Variants in ZNF385D observed in about 807,000 individuals in gnomAD.
The protein encoded by ZNF385D is zinc finger protein 385D.
Under a neutral mutation model 35.8 loss-of-function variants are expected in ZNF385D, and 15 were observed. The ratio of observed to expected loss-of-function variants is 0.42; its 90% CI spans 0.28 to 0.64. The LOEUF is 0.64. ZNF385D is among the 30% of genes least tolerant of loss of function. The pLI is 0.23. For synonymous variants in ZNF385D, 212 were observed against 186.8 expected (o/e 1.13, Z -1.10); for missense variants, 474 against 494.6 (o/e 0.96, Z 0.39).
intron 2 of ZNF385D, among the ~76,000 whole-genome samples, chr3:22,173,846 G>C (rs1192942950): frequency 1.3e-5 from 2 of 152,100 alleles, no homozygotes; most frequent in African/African-American, 4.8e-5. Context: ...ATTCAGAAAA[G>C]AAACGGTTGA....
chr3:21,996,624 G>C (rs574417176), intron 3 of ZNF385D, among the ~76,000 whole-genome samples: 4 of 152,230 alleles, frequency 2.6e-5, no homozygotes, highest in Admixed American at 2.0e-4. Flanking sequence ...ATATGTTTCA[G>C]CTTATGTTAG....
chr3:21,992,940 A>G (rs1695232808), intron 3 of ZNF385D, among the ~76,000 whole-genome samples: 1 of 152,188 alleles, frequency 6.6e-6, no homozygotes, highest in South Asian at 2.1e-4. Context: ...AACATTTCTA[A>G]TTACCAAATT....
intron 3 of ZNF385D, among the ~76,000 whole-genome samples, chr3:21,952,427 T>G (rs1299633350): frequency 2.6e-5 from 4 of 152,060 alleles, no homozygotes; most frequent in South Asian, 2.1e-4. Flanking sequence ...ACAAAATTGT[T>G]TGCCTTAATT....
intron 2 of ZNF385D, among the ~76,000 whole-genome samples, chr3:21,590,810 A>T (rs2063952582): frequency 6.6e-5 from 10 of 152,168 alleles, no homozygotes; most frequent in Admixed American, 6.6e-4. Context: ...CATTTCCATT[A>T]TATTTTTTAG....
intron 3 of ZNF385D, among the ~76,000 whole-genome samples, chr3:21,988,925 C>T (rs992143764): frequency 2.0e-5 from 3 of 152,178 alleles, no homozygotes; most frequent in Non-Finnish European, 2.9e-5. Context: ...GGGAGTGACC[C>T]GATTTTCCAG....
chr3:22,204,576 G>C (rs189894652), intron 2 of ZNF385D, among the ~76,000 whole-genome samples: 1 of 151,968 alleles, frequency 6.6e-6, no homozygotes, highest in Non-Finnish European at 1.5e-5. Flanking sequence ...CAGAGAATTC[G>C]AAACAGCTGT....
At chr3:22,239,958 C>T (rs1699397827) in intron 2 of ZNF385D, among the ~76,000 whole-genome samples, 1 of 150,156 alleles carries the variant, frequency 6.7e-6, no homozygotes, top group Non-Finnish European at 1.5e-5. Context: ...AGGTGGATCA[C>T]TCGAGTCTAG....
intron 3 of ZNF385D, among the ~76,000 whole-genome samples, chr3:22,105,774 CAG>C (rs1702180497): frequency 3.3e-5 from 5 of 152,254 alleles, no homozygotes; most frequent in African/African-American, 1.2e-4. Context: ...CTGCTTTACT[CAG>C]TCCAATTCCA....
intron 3 of ZNF385D, among the ~76,000 whole-genome samples, chr3:22,142,952 T>A (rs1414119157): frequency 6.6e-6 from 1 of 152,032 alleles, no homozygotes; most frequent in East Asian, 1.9e-4. Flanking sequence ...GTAGTTTCCT[T>A]TTTCACTGCC....
At chr3:21,637,549 C>G (rs911173575) in intron 2 of ZNF385D, among the ~76,000 whole-genome samples, 1 of 152,028 alleles carries the variant, frequency 6.6e-6, no homozygotes, top group Admixed American at 6.6e-5. Flanking sequence ...TGTGATGCCT[C>G]TAGATTTGTT....
At chr3:22,088,512 C>A (rs1169221570) in intron 3 of ZNF385D, among the ~76,000 whole-genome samples, 1 of 152,100 alleles carries the variant, frequency 6.6e-6, no homozygotes, top group Non-Finnish European at 1.5e-5. Context: ...TCCCAGTTTG[C>A]AATCATCTGA....
chr3:21,559,852 T>C (rs1295322246), intron 3 of ZNF385D, among the ~76,000 whole-genome samples: 6 of 152,146 alleles, frequency 3.9e-5, no homozygotes, highest in African/African-American at 1.4e-4. Context: ...GGAGGCTTTG[T>C]TTGTTTCTTT....
chr3:21,454,207 G>A, intron 4 of ZNF385D, among the ~76,000 whole-genome samples: 1 of 152,062 alleles, frequency 6.6e-6, no homozygotes, highest in South Asian at 2.1e-4. Flanking sequence ...AAGGAGAAAA[G>A]GGGGAATTAA....
intron 3 of ZNF385D, among the ~76,000 whole-genome samples, chr3:21,973,429 A>G (rs1478524046): frequency 1.3e-5 from 2 of 152,020 alleles, no homozygotes; most frequent in Non-Finnish European, 2.9e-5. Flanking sequence ...CAACATAATA[A>G]AAGTCATATA....
At chr3:22,176,694 T>C (rs1576449109) in intron 2 of ZNF385D, among the ~76,000 whole-genome samples, 1 of 152,198 alleles carries the variant, frequency 6.6e-6, no homozygotes, top group African/African-American at 2.4e-5. Context: ...GTAGACTTTT[T>C]AGAATTGTAA....
intron 2 of ZNF385D, among the ~76,000 whole-genome samples, chr3:21,576,555 G>A (rs924203745): frequency 1.4e-4 from 22 of 152,160 alleles, no homozygotes; most frequent in African/African-American, 4.6e-4. Context: ...ATGGAAGTAC[G>A]TAATTGTTAC....
chr3:21,781,616 T>C (rs899607288), intron 3 of ZNF385D, among the ~76,000 whole-genome samples: 2 of 152,064 alleles, frequency 1.3e-5, no homozygotes, highest in Non-Finnish European at 2.9e-5. Context: ...TAATACCTCA[T>C]ATAAAATCAG....
intron 3 of ZNF385D, among the ~76,000 whole-genome samples, chr3:21,901,531 A>G (rs1176512945): frequency 6.6e-6 from 1 of 152,210 alleles, no homozygotes; most frequent in Non-Finnish European, 1.5e-5. Context: ...CATTGCATGC[A>G]TTGTGGATGC....
At chr3:21,461,485 T>C (rs1396024837) in intron 4 of ZNF385D, among the ~76,000 whole-genome samples, 1 of 152,050 alleles carries the variant, frequency 6.6e-6, no homozygotes, top group Non-Finnish European at 1.5e-5. Context: ...GAGGCAGAGG[T>C]TGCAGTGAGC....
Sources: allele counts gnomAD v4.1 joint callset (sites outside exome capture counted in the v4.1 genomes callset), GRCh38; gene constraint gnomAD v4.1.1; transcripts MANE v1.5; gene names NCBI Gene and HGNC (gene_info 2026-07-23, HGNC 2026-07-21).